TSPAN9: variants seen among roughly 807,000 people sequenced by gnomAD.
TSPAN9 encodes the protein tetraspanin 9.
A neutral mutation model predicts 31.0 loss-of-function variants in TSPAN9; 16 were observed. That is an observed-to-expected ratio of 0.52 (90% confidence interval 0.35 to 0.78). TSPAN9 has a LOEUF of 0.78. Among genes scored for constraint, TSPAN9 ranks in the 30% least tolerant of loss-of-function variants. The probability of loss-of-function intolerance (pLI) is 0.01; values close to 1 mark genes in which losing one functional copy is unlikely to be tolerated. For synonymous variants in TSPAN9, 145 were observed against 121.6 expected, an observed-to-expected ratio of 1.19 and a Z score of -1.27; for missense variants, 272 against 312.5, an observed-to-expected ratio of 0.87 and a Z score of 0.98.
At chr12:3,225,417 G>A (rs73254445) in intron 3 of TSPAN9, among the ~76,000 whole-genome samples, 1,596 of 152,262 alleles carry the variant, frequency 0.01, 30 homozygotes, top group African/African-American at 0.036. Flanking sequence ...TGAAAGTGAG[G>A]CCTGCAGAGA....
rs2098345555 is a variant in TSPAN9, at chr12:3,161,919, C to T, written c.-17-39258C>T. Among the ~76,000 whole-genome samples the T allele has an allele frequency of 3.3e-5, 5 of 152,080 alleles. 1 individual carries two copies. The highest frequency in any genetic ancestry group is 3.3e-4 in the Admixed American group (5 of 15,280). ...CAGCCTTGAATGCTGGGGCTCAAGC[C>T]ATCTTCCCGCTTCAGCCTTCCGAAG... On this transcript the variant is annotated intron_variant, in intron 2 of 8. Coordinates refer to ENST00000011898, the MANE Select transcript of TSPAN9 (RefSeq NM_006675.5).
intron 2 of TSPAN9, among the ~76,000 whole-genome samples, chr12:3,195,266 T>C (rs541023682): frequency 6.6e-6 from 1 of 152,348 alleles, no homozygotes; most frequent in Admixed American, 6.5e-5. Flanking sequence ...TGTCTCATGC[T>C]GCCAGCCTGA....
At chr12:3,270,189 G>A (rs1862647292) in intron 3 of TSPAN9, among the ~76,000 whole-genome samples, 1 of 152,228 alleles carries the variant, frequency 6.6e-6, no homozygotes, top group South Asian at 2.1e-4. Context: ...CTGTGGGTCA[G>A]TTTGAGAAGT....
At chr12:3,117,920 C>T (rs947397933) in intron 2 of TSPAN9, among the ~76,000 whole-genome samples, 1 of 152,066 alleles carries the variant, frequency 6.6e-6, no homozygotes, top group African/African-American at 2.4e-5. Flanking sequence ...GAGCTGTCAC[C>T]TCAGGGCTGG....
chr12:3,200,363 C>G (rs1228736604), intron 2 of TSPAN9: 1 of 152,230 alleles, frequency 6.6e-6, no homozygotes, highest in East Asian at 1.9e-4. Flanking sequence ...AGGGAAAGCC[C>G]AGCGGTTGCA....
At position 3,280,234 on chromosome 12, in the gene TSPAN9, C is replaced by T; in HGVS notation, c.331-148C>T. On this transcript the variant is annotated intron_variant, in intron 5 of 8. Transcript: ENST00000011898. This position sits in a 1 kb window ranked among gnomAD's most constrained non-coding sequence, Gnocchi z 4.5. ...TGTTGGGCCAGCAGAGGCCCCCACC[C>T]CAGTGGGCAGGGCCTTCCAGACCAG... 1.5e-6 allele frequency: 1 copy of T among 680,096 alleles called. No individual in the cohort carries two copies. The highest frequency in any genetic ancestry group is 2.5e-6 in the Non-Finnish European group (1 of 394,108). The allele number at this position is 680,096 out of a possible 1,614,324, so 42.1% of individuals were successfully genotyped here.
At chr12:3,145,568 A>G (rs1309140016) in intron 2 of TSPAN9, among the ~76,000 whole-genome samples, 1 of 152,176 alleles carries the variant, frequency 6.6e-6, no homozygotes, top group Non-Finnish European at 1.5e-5. Context: ...CCAGGTGAAG[A>G]GAAACTCACT....
chr12:3,079,994 C>G (rs1205303391), intron 1 of TSPAN9, among the ~76,000 whole-genome samples: 1 of 149,560 alleles, frequency 6.7e-6, no homozygotes, highest in Admixed American at 6.7e-5. Context: ...GTTGCCCAGG[C>G]TGGTCTCTGG....
chr12:3,087,732 G>A (rs1232637483), intron 2 of TSPAN9, among the ~76,000 whole-genome samples: 3 of 152,084 alleles, frequency 2.0e-5, no homozygotes, highest in Non-Finnish European at 4.4e-5. Context: ...CTTGAATCTG[G>A]GAGGCGGAGG....
chr12:3,276,803 C>T (rs998632231), intron 3 of TSPAN9, among the ~76,000 whole-genome samples: 2 of 152,186 alleles, frequency 1.3e-5, no homozygotes, highest in Non-Finnish European at 2.9e-5. Context: ...GAGAACAGGG[C>T]CTGGCACTGA....
chr12:3,175,201 A>G (rs947118714), intron 2 of TSPAN9, among the ~76,000 whole-genome samples: 1 of 152,190 alleles, frequency 6.6e-6, no homozygotes, highest in African/African-American at 2.4e-5. Context: ...AGACCTGGCA[A>G]GCAGGAGTGC....
At chr12:3,253,360 T>A (rs1862288291) in intron 3 of TSPAN9, among the ~76,000 whole-genome samples, 1 of 152,154 alleles carries the variant, frequency 6.6e-6, no homozygotes, top group South Asian at 2.1e-4. Context: ...GTGCTTAAGA[T>A]TTTGGATTCT....
At position 3,212,619 on chromosome 12, in the gene TSPAN9, A is replaced by G. The variant is rs144905918; in HGVS notation, c.63+11363A>G. Among the ~76,000 whole-genome samples the G allele has an allele frequency of 2.0e-3, 305 of 152,290 alleles. 1 individual carries two copies. Among genetic ancestry groups the G allele is most frequent in the African/African-American group, 7.0e-3 (293 of 41,562 alleles). On this transcript the variant is annotated intron_variant, in intron 3 of 8. Transcript: ENST00000011898. ...GCTTTGCCACCCTCCCCCAGGGTTC[A>G]GCTGAGCTCTTGTGCACACGCACTG... is the stretch of plus-strand genomic sequence containing the variant.
At chr12:3,106,926 G>C (rs2098315000) in intron 2 of TSPAN9, among the ~76,000 whole-genome samples, 1 of 152,210 alleles carries the variant, frequency 6.6e-6, no homozygotes, top group Admixed American at 6.5e-5. Flanking sequence ...CTTGGCTGCA[G>C]AGCTCTTGGG....
intron 3 of TSPAN9, among the ~76,000 whole-genome samples, chr12:3,210,738 C>CTTTT (rs376848982): frequency 7.5e-6 from 1 of 132,896 alleles, no homozygotes; most frequent in South Asian, 2.5e-4. Flanking sequence ...TCATGGATGT[C>CTTTT]TTTTTTTTTT....
chr12:3,227,261 A>G (rs1181272625), intron 3 of TSPAN9, among the ~76,000 whole-genome samples: 1 of 152,212 alleles, frequency 6.6e-6, no homozygotes, highest in African/African-American at 2.4e-5. Context: ...CCAGAGCAGC[A>G]TCAGAAGTCA....
intron 2 of TSPAN9, among the ~76,000 whole-genome samples, chr12:3,178,187 C>G (rs539012642): frequency 6.6e-6 from 1 of 152,336 alleles, no homozygotes; most frequent in East Asian, 1.9e-4. Context: ...ATCCACTCCC[C>G]ATACAGTGCT....
intron 3 of TSPAN9, among the ~76,000 whole-genome samples, chr12:3,214,606 C>T (rs116212925): frequency 0.011 from 1,630 of 151,986 alleles, 25 homozygotes; most frequent in African/African-American, 0.037. Flanking sequence ...AAATGGAAGT[C>T]GTTTCTGGGC....
intron 3 of TSPAN9, among the ~76,000 whole-genome samples, chr12:3,228,221 A>T (rs766115041): frequency 2.0e-5 from 3 of 152,092 alleles, no homozygotes; most frequent in Non-Finnish European, 4.4e-5. Context: ...ATGTGGTGGC[A>T]TGCACCTGTG....
Sources: gnomAD v4.1 joint callset for allele counts (sites outside exome capture counted in the v4.1 genomes callset) on GRCh38, gnomAD v4.1.1 for gene constraint, Gnocchi (gnomAD v3.1) non-coding constraint, MANE v1.5 for transcripts, NCBI Gene and HGNC (gene_info 2026-07-23, HGNC 2026-07-21) for gene names.